LRRC58: variants seen among roughly 807,000 people sequenced by gnomAD.
LRRC58 encodes the protein leucine-rich repeat-containing protein 58.
Under a neutral mutation model 30.6 loss-of-function variants are expected in LRRC58, and 18 were observed. The observed-to-expected ratio is 0.59, with a 90% CI of 0.41 to 0.87. LRRC58 has a LOEUF of 0.87. Ranked by LOEUF, LRRC58 falls within the 40% of genes least tolerant of loss-of-function variation. The pLI is 0.00. For missense variants in LRRC58, 420 were observed against 468.4 expected (o/e 0.90, Z 0.95); for synonymous variants, 221 against 206.0 (o/e 1.07, Z -0.62).
chr3:120,324,660 G>A lies in LRRC58; in HGVS notation c.*6540C>T, dbSNP rs749965464. ...AATGTTTGATATGGCAAAATTCACA[G>A]AGGATTGGTTAATATAAGATCTTTT... On this transcript the variant is annotated 3_prime_UTR_variant, in exon 4 of 4. Coordinates refer to ENST00000295628, the MANE Select transcript of LRRC58 (RefSeq NM_001099678.2). 4 of 152,172 alleles carry A rather than the reference G, an allele frequency of 2.6e-5. No homozygotes were observed. The highest frequency in any genetic ancestry group is 5.9e-5 in the Non-Finnish European group (4 of 68,018). 9.4% of individuals were successfully genotyped at this position (152,172 alleles called of 1,614,324 possible). A position where few individuals can be genotyped will look rare whatever the true frequency, so the allele number is the denominator to read the frequency against.
At chr3:120,333,182 C>T (rs891928793) in intron 3 of LRRC58, among the ~76,000 whole-genome samples, 5 of 152,116 alleles carry the variant, frequency 3.3e-5, no homozygotes, top group Middle Eastern at 6.9e-3. Flanking sequence ...CCACCACACT[C>T]GGCCTTAAGC....
chr3:120,342,796 G>A (rs1039516858), intron 1 of LRRC58, among the ~76,000 whole-genome samples: 5 of 152,186 alleles, frequency 3.3e-5, no homozygotes, highest in Non-Finnish European at 5.9e-5. Context: ...CAGAGATCCC[G>A]TAACAATGTG....
chr3:120,347,379 C>CTT lies in LRRC58; in HGVS notation c.500+1363_500+1364dup, dbSNP rs796116731. Reference sequence around the variant, plus strand: ...AGTTCTTTTTTCCCAGGCCAATATTCTTTTTTTTTTTTTTTTTTTTTTTGA... The same window carrying CTT: ...AGTTCTTTTTTCCCAGGCCAATATTCTTTTTTTTTTTTTTTTTTTTTTTTTGA... On this transcript the variant is annotated intron_variant, in intron 1 of 3. Transcript: ENST00000295628. Among the ~76,000 whole-genome samples the CTT allele has an allele frequency of 6.0e-3, 329 of 54,844 alleles. 40 individuals are homozygous for CTT. Among genetic ancestry groups the CTT allele is most frequent in the Non-Finnish European group, 8.5e-3 (244 of 28,764 alleles). The allele number at this position is 54,844 out of a possible 152,430, so 36.0% of individuals were successfully genotyped here.
chr3:120,347,694 C>T (rs1357581676), intron 1 of LRRC58, among the ~76,000 whole-genome samples: 1 of 151,972 alleles, frequency 6.6e-6, no homozygotes, highest in Admixed American at 6.6e-5. Context: ...CCCGGCCTTC[C>T]CAGGCCAATA....
At chr3:120,335,227 T>C (rs1935818629) in intron 2 of LRRC58, 88 bp from the exon 3 acceptor site, 2 of 1,178,636 alleles carry the variant, frequency 1.7e-6, no homozygotes, top group African/African-American at 3.1e-5. Flanking sequence ...AGAACTTGAT[T>C]TCCCCTTAAG....
At position 120,329,878 on chromosome 3, in the gene LRRC58, T is replaced by A. The variant is rs575420643; in HGVS notation, c.*1322A>T. 2.6e-5 allele frequency: 4 copies of A among 152,186 alleles called. No individual in the cohort carries two copies. The East Asian group carries it at 7.7e-4, about 29-fold the overall frequency. The allele number at this position is 152,186 out of a possible 1,614,324, so 9.4% of individuals were successfully genotyped here. A position where few individuals can be genotyped will look rare whatever the true frequency, so the allele number is the denominator to read the frequency against. ...ACTATTATTCAATTTGTATTGCATA[T>A]TAAAGTACTTAATAAAAATTTGGTA... On this transcript the variant is annotated 3_prime_UTR_variant, in exon 4 of 4. Coordinates refer to ENST00000295628, the MANE Select transcript of LRRC58 (RefSeq NM_001099678.2).
rs1033167697 is a variant in LRRC58, at chr3:120,325,965, G to C, written c.*5235C>G. On this transcript the variant is annotated 3_prime_UTR_variant, in exon 4 of 4. Transcript: ENST00000295628. ...ACACATTAGGCCATTTTATGAGAAG[G>C]AATCTGTCAGGATCACAGTCTTTCT... The C allele has an allele frequency of 1.3e-5, 2 of 152,038 alleles. No homozygotes were observed. The highest frequency in any genetic ancestry group is 6.6e-5 in the Admixed American group (1 of 15,254). 9.4% of individuals were successfully genotyped at this position (152,038 alleles called of 1,614,324 possible).
chr3:120,330,496 C>T lies in LRRC58; in HGVS notation c.*704G>A, dbSNP rs1480696549. On this transcript the variant is annotated 3_prime_UTR_variant, in exon 4 of 4. Coordinates refer to ENST00000295628, the MANE Select transcript of LRRC58 (RefSeq NM_001099678.2). ...TTACTTCTTGAATACATTTTTATAT[C>T]CTTGCTGGATTAAGGCACTATAACA... The T allele has an allele frequency of 6.6e-6, 1 of 152,056 alleles. No homozygotes were observed. The highest frequency in any genetic ancestry group is 1.5e-5 in the Non-Finnish European group (1 of 67,974). 9.4% of individuals were successfully genotyped at this position (152,056 alleles called of 1,614,324 possible). A position where few individuals can be genotyped will look rare whatever the true frequency, so the allele number is the denominator to read the frequency against.
chr3:120,328,057 A>C lies in LRRC58; in HGVS notation c.*3143T>G, dbSNP rs777591482. On this transcript the variant is annotated 3_prime_UTR_variant, in exon 4 of 4. Coordinates refer to ENST00000295628, the MANE Select transcript of LRRC58 (RefSeq NM_001099678.2). ...CCACCGTGCCAAGTCTTTACTTTTA[A>C]ATGTGGTAACTTGAAGCTCTAAATA... The C allele has an allele frequency of 3.9e-5, 6 of 152,166 alleles. No homozygotes were observed. Among genetic ancestry groups the C allele is most frequent in the Non-Finnish European group, 8.8e-5 (6 of 68,030 alleles). The allele number at this position is 152,166 out of a possible 1,614,324, so 9.4% of individuals were successfully genotyped here.
Position 120,324,570 on chromosome 3 carries a change from C to T in LRRC58, c.*6630G>A, listed in dbSNP as rs1449203687. ...ATGTAACAAGTAATCAGGCAAATAT[C>T]AACATTATAGAGACTTTAATATAGA... is the stretch of plus-strand genomic sequence containing the variant. On this transcript the variant is annotated 3_prime_UTR_variant, in exon 4 of 4. Transcript: ENST00000295628. 6.6e-6 allele frequency: 1 copy of T among 152,080 alleles called. No homozygotes were observed. The highest frequency in any genetic ancestry group is 1.5e-5 in the Non-Finnish European group (1 of 68,016). 9.4% of individuals were successfully genotyped at this position (152,080 alleles called of 1,614,324 possible).
rs936406348 is a variant in LRRC58 at position 120,327,108 on chromosome 3, T to G, written c.*4092A>C. The G allele has an allele frequency of 1.3e-5, 2 of 152,068 alleles. No homozygotes were observed. The highest frequency in any genetic ancestry group is 2.4e-5 in the African/African-American group (1 of 41,390). The allele number at this position is 152,068 out of a possible 1,614,324, so 9.4% of individuals were successfully genotyped here. A position where few individuals can be genotyped will look rare whatever the true frequency, so the allele number is the denominator to read the frequency against. On this transcript the variant is annotated 3_prime_UTR_variant, in exon 4 of 4. Coordinates refer to ENST00000295628, the MANE Select transcript of LRRC58 (RefSeq NM_001099678.2). Reference sequence around the variant, plus strand: ...CACTGAACAAATTTGGTGATAAAGGTTTTTGGATGGTAGTCAGTAGGCCAC... The same window carrying G: ...CACTGAACAAATTTGGTGATAAAGGGTTTTGGATGGTAGTCAGTAGGCCAC...
Position 120,331,041 on chromosome 3 carries a change from T to C in LRRC58, c.*159A>G. ...AACATGGGACTGGACTCATTCTTGC[T>C]GAATGGGTAGATGAAACACAAAATG... On this transcript the variant is annotated 3_prime_UTR_variant, in exon 4 of 4. Transcript: ENST00000295628. 2 of 628,728 alleles carry C rather than the reference T, an allele frequency of 3.2e-6. No individual in the cohort carries two copies. The highest frequency in any genetic ancestry group is 5.7e-6 in the Non-Finnish European group (2 of 349,648). The allele number at this position is 628,728 out of a possible 1,614,324, so 38.9% of individuals were successfully genotyped here.
intron 1 of LRRC58, among the ~76,000 whole-genome samples, chr3:120,346,943 G>A (rs748913802): frequency 6.6e-6 from 1 of 152,066 alleles, no homozygotes; most frequent in Admixed American, 6.5e-5. Flanking sequence ...GACCTGACAC[G>A]GGCTGACTTG....
intron 1 of LRRC58, among the ~76,000 whole-genome samples, chr3:120,344,668 A>C (rs1259895722): frequency 3.3e-5 from 5 of 152,232 alleles, no homozygotes; most frequent in African/African-American, 1.2e-4. Flanking sequence ...ATTGTAGAAG[A>C]GTACCAATGA....
rs1292535850 is a variant in LRRC58 at position 120,325,000 on chromosome 3, T to G, written c.*6200A>C. On this transcript the variant is annotated 3_prime_UTR_variant, in exon 4 of 4. Coordinates refer to ENST00000295628, the MANE Select transcript of LRRC58 (RefSeq NM_001099678.2). ...TTTTCAGTACCCTTCGTTAATACTT[T>G]GACATCCCAAACTTTACAAAAACTT... The G allele has an allele frequency of 6.6e-6, 1 of 152,216 alleles. No homozygotes were observed. The highest frequency in any genetic ancestry group is 2.4e-5 in the African/African-American group (1 of 41,468). 9.4% of individuals were successfully genotyped at this position (152,216 alleles called of 1,614,324 possible).
intron 3 of LRRC58, among the ~76,000 whole-genome samples, chr3:120,334,490 AG>A (rs1241762116): frequency 3.3e-5 from 5 of 151,212 alleles, no homozygotes; most frequent in African/African-American, 1.2e-4. Flanking sequence ...CCTGGGCAAC[AG>A]AGCAAGACTC....
At chr3:120,337,908 G>A (rs1021479738) in intron 1 of LRRC58, among the ~76,000 whole-genome samples, 2 of 151,754 alleles carry the variant, frequency 1.3e-5, no homozygotes, top group Non-Finnish European at 2.9e-5. Context: ...GCATGATCTC[G>A]GCTCACTGCA....
rs1273312671 is a variant in LRRC58 at position 120,325,412 on chromosome 3, G to T, written c.*5788C>A. 5.9e-5 allele frequency: 9 copies of T among 152,008 alleles called. No homozygotes were observed. The highest frequency in any genetic ancestry group is 2.2e-4 in the African/African-American group (9 of 41,380). 9.4% of individuals were successfully genotyped at this position (152,008 alleles called of 1,614,324 possible). On this transcript the variant is annotated 3_prime_UTR_variant, in exon 4 of 4. Coordinates refer to ENST00000295628, the MANE Select transcript of LRRC58 (RefSeq NM_001099678.2). The stretch of plus-strand genomic sequence containing the variant: ...GATGTTCTTTCCACCATAGGTTTGT[G>T]GTATGACAGTATATAAATAACCTTC...
At position 120,327,157 on chromosome 3, in the gene LRRC58, T is replaced by G. The variant is rs1200754661; in HGVS notation, c.*4043A>C. On this transcript the variant is annotated 3_prime_UTR_variant, in exon 4 of 4. Transcript: ENST00000295628. Reference sequence around the variant, plus strand: ...ACTCAATAACTTAATTTTAAAACAATTCACTATTACTTTAAAGGGCTTTCT... The same window carrying G: ...ACTCAATAACTTAATTTTAAAACAAGTCACTATTACTTTAAAGGGCTTTCT... 1 of 152,110 alleles carries G rather than the reference T, an allele frequency of 6.6e-6. No individual in the cohort carries two copies. The allele number at this position is 152,110 out of a possible 1,614,324, so 9.4% of individuals were successfully genotyped here. A position where few individuals can be genotyped will look rare whatever the true frequency, so the allele number is the denominator to read the frequency against.
Sources: allele counts gnomAD v4.1 joint callset (sites outside exome capture counted in the v4.1 genomes callset), GRCh38; gene constraint gnomAD v4.1.1; transcripts MANE v1.5; gene names NCBI Gene and HGNC (gene_info 2026-07-23, HGNC 2026-07-21).